ZFP42: variants seen among roughly 807,000 people sequenced by gnomAD.
ZFP42 encodes the protein ZFP42 zinc finger protein.
For missense variants in ZFP42, 438 were observed against 377.1 expected (o/e 1.16, Z -1.34); for synonymous variants, 175 against 144.6 (o/e 1.21, Z -1.51).
At chr4:187,996,295 C>G (rs1424665718) in intron 1 of ZFP42, among the ~76,000 whole-genome samples, 1 of 151,792 alleles carries the variant, frequency 6.6e-6, no homozygotes, top group Non-Finnish European at 1.5e-5. Flanking sequence ...AGCAAAAAAC[C>G]TAGGAGACTC....
In ZFP42 at chr4:188,003,318, T is replaced by C; in HGVS notation, c.511T>C (p.Phe171Leu). 2 of 1,614,016 alleles carry C rather than the reference T, an allele frequency of 1.2e-6. No individual in the cohort carries two copies. The highest frequency in any genetic ancestry group is 1.7e-6 in the Non-Finnish European group (2 of 1,180,022). Residue 171 changes from phenylalanine (F) to leucine (L), a missense_variant, in exon 4 of 4, where the codon TTT becomes CTT. Coordinates refer to ENST00000326866, the MANE Select transcript of ZFP42 (RefSeq NM_174900.5). ...DLSDPKQLAE[F>L]ARKKPPINKE... ...ATCAGATCCTAAACAGCTCGCAGAA[T>C]TTGCTAGAAAGAAGCCCCCCATAAA...
chr4:187,997,585 A>G (rs1733652848), intron 1 of ZFP42, among the ~76,000 whole-genome samples: 1 of 149,718 alleles, frequency 6.7e-6, no homozygotes, highest in South Asian at 2.1e-4. Flanking sequence ...TTTTTTGTTT[A>G]TTTGCCCTTT....
intron 1 of ZFP42, among the ~76,000 whole-genome samples, chr4:187,997,035 G>GTGGAGCGTGGAGCATGGAGCATGGAGCA (rs1733614651): frequency 2.3e-5 from 2 of 85,806 alleles, no homozygotes; most frequent in Non-Finnish European, 4.6e-5. Context: ...AGCATGGAGC[G>GTGGAGCGTGGAGCATGGAGCATGGAGCA]TGGAGCATGG....
rs529225481 is a variant in ZFP42, at chr4:188,003,829, A to G, written c.*89A>G. Reference sequence around the variant, plus strand: ...ATTGTTTCTAGGAAGGAATTTCTAAATCAATATTGCAACCCCAAAAGCGGT... The same window carrying G: ...ATTGTTTCTAGGAAGGAATTTCTAAGTCAATATTGCAACCCCAAAAGCGGT... On this transcript the variant is annotated 3_prime_UTR_variant, in exon 4 of 4. Transcript: ENST00000326866. The G allele has an allele frequency of 3.0e-6, 4 of 1,337,112 alleles. No homozygotes were observed. The South Asian group carries it at 6.1e-5, about 20-fold the overall frequency. The allele number at this position is 1,337,112 out of a possible 1,614,324, so 82.8% of individuals were successfully genotyped here.
intron 3 of ZFP42, among the ~76,000 whole-genome samples, chr4:188,002,282 C>G (rs1478955677): frequency 6.6e-6 from 1 of 152,260 alleles, no homozygotes; most frequent in South Asian, 2.1e-4. Context: ...CCCGAGTGCC[C>G]TATTTAATAT....
At chr4:187,998,473 T>C (rs1733691107) in intron 1 of ZFP42, among the ~76,000 whole-genome samples, 1 of 152,242 alleles carries the variant, frequency 6.6e-6, no homozygotes, top group South Asian at 2.1e-4. Context: ...CCTACAGTTG[T>C]GTACAGTGGC....
intron 3 of ZFP42, among the ~76,000 whole-genome samples, chr4:188,000,178 G>T (rs901293783): frequency 6.6e-6 from 1 of 152,138 alleles, no homozygotes; most frequent in Non-Finnish European, 1.5e-5. Flanking sequence ...TTTCCTTTAA[G>T]TGTCATGATG....
intron 1 of ZFP42, among the ~76,000 whole-genome samples, chr4:187,997,225 A>ATTT (rs1484017532): frequency 2.7e-5 from 1 of 36,500 alleles, no homozygotes; most frequent in Non-Finnish European, 4.6e-5. Context: ...CCCCTCTCAT[A>ATTT]TTCTTTTTTT....
rs986831891 is a variant in ZFP42 at position 188,003,007 on chromosome 4, A to T, written c.200A>T (p.Asp67Val). The change falls in exon 4 of 4, where the codon GAT (aspartate) becomes GTT (valine). Residue 67 changes from aspartate to valine, a missense_variant. Physicochemically the swap from Asp to Val is radical, Grantham distance 152 (BLOSUM62 -3). Transcript: ENST00000326866. ...EPGPQALGGD[D>V]FSDCYIECVI... ...GGCCCTCAGGCTCTCGGAGGGGATG[A>T]TTTCTCAGACTGTTACATAGAATGC... 3 of 1,614,124 alleles carry T rather than the reference A, an allele frequency of 1.9e-6. No homozygotes were observed. The highest frequency in any genetic ancestry group is 2.5e-6 in the Non-Finnish European group (3 of 1,180,014).
At chr4:187,997,400 AT>A (rs1179731428) in intron 1 of ZFP42, among the ~76,000 whole-genome samples, 1 of 148,742 alleles carries the variant, frequency 6.7e-6, no homozygotes, top group East Asian at 2.0e-4. Flanking sequence ...CGCCCGACTA[AT>A]TTTTTTTATT....
At position 188,003,392 on chromosome 4, in the gene ZFP42, C is replaced by T; in HGVS notation, c.585C>T (p.Cys195=). ...LSAIACPQSG[C]TRKLRNRAAL... is the part of the protein sequence containing the mutation. ...CAATCGCTTGTCCTCAGAGTGGATG[C>T]ACTAGGAAGTTGAGGAATAGAGCTG... Residue 195 remains cysteine, a synonymous_variant, in exon 4 of 4, where the codon TGC becomes TGT. Coordinates refer to ENST00000326866, the MANE Select transcript of ZFP42 (RefSeq NM_174900.5). The T allele has an allele frequency of 6.2e-7, 1 of 1,614,122 alleles. No individual in the cohort carries two copies. The highest frequency in any genetic ancestry group is 8.5e-7 in the Non-Finnish European group (1 of 1,180,034).
chr4:188,003,323 T>C lies in ZFP42; in HGVS notation c.516T>C (p.Ala172=), dbSNP rs1219968381. 31 of 1,614,092 alleles carry C rather than the reference T, an allele frequency of 1.9e-5. No homozygotes were observed. The highest frequency in any genetic ancestry group is 2.5e-5 in the Non-Finnish European group (30 of 1,180,040). ...LSDPKQLAEF[A]RKKPPINKEY... ...ATCCTAAACAGCTCGCAGAATTTGC[T>C]AGAAAGAAGCCCCCCATAAATAAAG... The change falls in exon 4 of 4, where the codon GCT becomes GCC. Residue 172 remains alanine, a synonymous_variant. Transcript: ENST00000326866.
chr4:188,004,989 A>G lies in ZFP42; in HGVS notation c.*1249A>G, dbSNP rs182096668. 6.0e-6 allele frequency: 1 copy of G among 167,222 alleles called. No homozygotes were observed. The highest frequency in any genetic ancestry group is 6.5e-5 in the Admixed American group (1 of 15,298). The allele number at this position is 167,222 out of a possible 1,614,324, so 10.4% of individuals were successfully genotyped here. On this transcript the variant is annotated 3_prime_UTR_variant, in exon 4 of 4. Transcript: ENST00000326866. The stretch of plus-strand genomic sequence containing the variant: ...TATGGTTAGATGTGATTATTTGATA[A>G]TGTTAGTCCATTTGAATCCATTTTA...
At chr4:188,000,866 G>A (rs1191313747) in intron 3 of ZFP42, among the ~76,000 whole-genome samples, 1 of 151,124 alleles carries the variant, frequency 6.6e-6, no homozygotes, top group Non-Finnish European at 1.5e-5. Context: ...GCGGGGGGGC[G>A]CCTGCCTGTA....
At position 188,002,824 on chromosome 4, in the gene ZFP42, A is replaced by C; in HGVS notation, c.17A>C (p.Lys6Thr). Reference protein sequence around the residue: MSQQLKKRAKTRHQKG... With the variant: MSQQLTKRAKTRHQKG... ...CAGGAAAACATGAGCCAGCAACTGA[A>C]GAAACGGGCAAAGACAAGACACCAG... The change falls in exon 4 of 4, where the codon AAG becomes ACG. Residue 6 changes from lysine (K) to threonine (T), a missense_variant. Physicochemically the swap from Lys to Thr is moderately conservative, Grantham distance 78 (BLOSUM62 -1). Coordinates refer to ENST00000326866, the MANE Select transcript of ZFP42 (RefSeq NM_174900.5). 1 of 1,613,904 alleles carries C rather than the reference A, an allele frequency of 6.2e-7. No homozygotes were observed. Among genetic ancestry groups the C allele is most frequent in the African/African-American group, 1.3e-5 (1 of 75,020 alleles).
chr4:188,001,892 A>C (rs1733836775), intron 3 of ZFP42, among the ~76,000 whole-genome samples: 1 of 152,224 alleles, frequency 6.6e-6, no homozygotes, highest in South Asian at 2.1e-4. Context: ...ATAAGAAAAC[A>C]ATAGGGCCAG....
At chr4:187,996,941 C>A (rs1733596785) in intron 1 of ZFP42, among the ~76,000 whole-genome samples, 4 of 151,314 alleles carry the variant, frequency 2.6e-5, no homozygotes, top group Non-Finnish European at 5.9e-5. Flanking sequence ...CAGCCCCGCG[C>A]CTGGGCCTCG....
At chr4:188,001,598 T>C (rs1733825712) in intron 3 of ZFP42, among the ~76,000 whole-genome samples, 1 of 152,204 alleles carries the variant, frequency 6.6e-6, no homozygotes, top group Non-Finnish European at 1.5e-5. Context: ...TTCCTTTATG[T>C]GTTATCTGAC....
At chr4:187,997,159 C>T (rs1392555683) in intron 1 of ZFP42, among the ~76,000 whole-genome samples, 1 of 151,272 alleles carries the variant, frequency 6.6e-6, no homozygotes, top group Admixed American at 6.6e-5. Flanking sequence ...CCGATGGCCC[C>T]CTCCTTGGGG....
Sources: allele counts gnomAD v4.1 joint callset (sites outside exome capture counted in the v4.1 genomes callset), GRCh38; gene constraint gnomAD v4.1.1; transcripts MANE v1.5; gene names NCBI Gene and HGNC (gene_info 2026-07-23, HGNC 2026-07-21).